USP37: variants seen among roughly 807,000 people sequenced by gnomAD.
USP37 encodes the protein ubiquitin specific peptidase 37.
In USP37, 27 loss-of-function variants were observed where a neutral mutation model predicts 124.0. That is an observed-to-expected ratio of 0.22 (90% CI 0.16 to 0.30). The LOEUF is 0.30. Among genes scored for constraint, USP37 ranks in the 10% least tolerant of loss-of-function variants. The pLI is 1.00. For missense variants in USP37, 889 were observed against 1,140.4 expected (o/e 0.78, Z 3.17); for synonymous variants, 365 against 388.0 (o/e 0.94, Z 0.70).
chr2:218,480,967 C>T (rs1691244292), intron 17 of USP37, among the ~76,000 whole-genome samples: 9 of 152,222 alleles, frequency 5.9e-5, no homozygotes, highest in Admixed American at 5.9e-4. Flanking sequence ...CTTTCAGACA[C>T]TAACTGTATG....
intron 1 of USP37, among the ~76,000 whole-genome samples, chr2:218,565,694 G>A (rs2106067765): frequency 6.6e-6 from 1 of 152,298 alleles, no homozygotes; most frequent in East Asian, 1.9e-4. Flanking sequence ...AAAAGAAGTG[G>A]TCACTAGCCT....
chr2:218,528,803 G>GAAAAA lies in USP37; in HGVS notation c.863+1148_863+1152dup, dbSNP rs58650311. ...TTATGTATTTATACCCAATAAATCT[G>GAAAAA]AAAAAAAAAAAAAAAAAAAAAAAAA... On this transcript the variant is annotated intron_variant, in intron 10 of 25. Coordinates refer to ENST00000258399, the MANE Select transcript of USP37 (RefSeq NM_020935.3). 8.7e-4 allele frequency: 26 copies of GAAAAA among 29,724 alleles called. 8 individuals are homozygous for GAAAAA. Among genetic ancestry groups the GAAAAA allele is most frequent in the Admixed American group, 4.6e-3 (5 of 1,094 alleles). 1.8% of individuals were successfully genotyped at this position (29,724 alleles called of 1,614,324 possible).
At chr2:218,550,986 T>C (rs978937715) in intron 5 of USP37, among the ~76,000 whole-genome samples, 1 of 152,148 alleles carries the variant, frequency 6.6e-6, no homozygotes. Context: ...CTAGTTTTTA[T>C]GTAACACCCA....
chr2:218,476,961 T>C lies in USP37; in HGVS notation c.1922A>G (p.Lys641Arg). 1.3e-6 allele frequency: 2 copies of C among 1,518,246 alleles called. No homozygotes were observed. The highest frequency in any genetic ancestry group is 2.5e-5 in the East Asian group (1 of 40,730). 94.0% of individuals were successfully genotyped at this position (1,518,246 alleles called of 1,614,324 possible). A position where few individuals can be genotyped will look rare whatever the true frequency, so the allele number is the denominator to read the frequency against. Residue 641 changes from lysine to arginine, a missense_variant, in exon 19 of 26, where the codon AAG (lysine) becomes AGG (arginine). By Grantham distance (26) the Lys-to-Arg change is conservative (BLOSUM62 2). This residue lies in a region of USP37 where 504 missense variants were observed against 714.3 expected (regional missense o/e 0.71). Transcript: ENST00000258399. ...TPSKKFTFKS[K>R]SSLALCLDSD... ...ATCAAGGCATAAAGCCAAGGAGCTC[T>C]TGGATTTGAAGGTGAATTTCCTGTA...
At chr2:218,535,388 T>C (rs966494327) in intron 8 of USP37, among the ~76,000 whole-genome samples, 1 of 149,696 alleles carries the variant, frequency 6.7e-6, no homozygotes, top group Non-Finnish European at 1.5e-5. Flanking sequence ...AAGTACAATG[T>C]TCAAGCTTGG....
intron 14 of USP37, among the ~76,000 whole-genome samples, chr2:218,492,084 C>T (rs1285031739): frequency 6.6e-6 from 1 of 151,964 alleles, no homozygotes; most frequent in Non-Finnish European, 1.5e-5. Flanking sequence ...ACCTGTAGTC[C>T]CAGCTATTCG....
intron 16 of USP37, 107 bp from the exon 17 acceptor site, chr2:218,482,341 C>T: frequency 7.9e-7 from 1 of 1,261,966 alleles, no homozygotes; most frequent in African/African-American, 1.5e-5. Flanking sequence ...TTAAAAAATC[C>T]ATTTGGCCAA....
chr2:218,510,813 C>T (rs958138293), intron 10 of USP37, among the ~76,000 whole-genome samples: 1 of 151,906 alleles, frequency 6.6e-6, no homozygotes, highest in Non-Finnish European at 1.5e-5. Context: ...GGCAACCTGG[C>T]GAAACTCCAT....
chr2:218,534,801 T>G, intron 8 of USP37, 95 bp from the exon 9 acceptor site: 2 of 743,172 alleles, frequency 2.7e-6, no homozygotes, highest in Non-Finnish European at 3.9e-6. Context: ...ACATTTAAAG[T>G]GCCAAATTCA....
rs371288131 is a variant in USP37, at chr2:218,495,966, T to C, written c.1282-16A>G. 6.2e-7 allele frequency: 1 copy of C among 1,601,012 alleles called. No individual in the cohort carries two copies. The highest frequency in any genetic ancestry group is 1.3e-5 in the African/African-American group (1 of 74,250). On this transcript the variant is annotated splice_polypyrimidine_tract_variant and intron_variant, in intron 13 of 25. Transcript: ENST00000258399. ...CATGAGCATCCTAATAAGACAACAA[T>C]ATCCTTAATCAGATAAAAACATTTC...
intron 4 of USP37, among the ~76,000 whole-genome samples, chr2:218,555,771 C>A (rs982814367): frequency 1.3e-5 from 2 of 152,080 alleles, no homozygotes; most frequent in African/African-American, 4.8e-5. Flanking sequence ...ATGCTTGACA[C>A]CTCAGATAAC....
At chr2:218,514,262 A>C (rs1184185459) in intron 10 of USP37, 1 of 152,168 alleles carries the variant, frequency 6.6e-6, no homozygotes, top group Admixed American at 6.5e-5. Context: ...TAACCTACAC[A>C]TATTATTCAA....
chr2:218,541,775 G>A (rs958927396), intron 8 of USP37, among the ~76,000 whole-genome samples: 2 of 152,058 alleles, frequency 1.3e-5, no homozygotes, highest in East Asian at 3.9e-4. Context: ...CAAGACAGGA[G>A]TCAATATAAA....
chr2:218,531,789 G>A (rs1323842545), intron 9 of USP37, among the ~76,000 whole-genome samples: 1 of 152,224 alleles, frequency 6.6e-6, no homozygotes, highest in Non-Finnish European at 1.5e-5. Flanking sequence ...GAGGGTTCAA[G>A]ACATCAGTGG....
At chr2:218,522,059 A>G (rs937166590) in intron 10 of USP37, among the ~76,000 whole-genome samples, 1 of 88,726 alleles carries the variant, frequency 1.1e-5, no homozygotes, top group African/African-American at 4.7e-5. Flanking sequence ...TTTTTTTTGT[A>G]GAGACAGGGT....
intron 6 of USP37, among the ~76,000 whole-genome samples, chr2:218,548,843 A>G (rs1003963068): frequency 6.6e-6 from 1 of 152,218 alleles, no homozygotes; most frequent in Non-Finnish European, 1.5e-5. Flanking sequence ...TACTTGTGAA[A>G]GCATAAATAC....
chr2:218,514,686 CTGTT>C (rs1478724598), intron 10 of USP37, among the ~76,000 whole-genome samples: 2 of 152,158 alleles, frequency 1.3e-5, no homozygotes, highest in Non-Finnish European at 2.9e-5. Flanking sequence ...TGCAAATACC[CTGTT>C]TCTCATCAAA....
chr2:218,536,570 T>G (rs1372918048), intron 8 of USP37, among the ~76,000 whole-genome samples: 1 of 152,240 alleles, frequency 6.6e-6, no homozygotes, highest in East Asian at 1.9e-4. Flanking sequence ...TTCTGTAATA[T>G]CAGGATGAAG....
chr2:218,504,321 A>T (rs1193676590), intron 11 of USP37, among the ~76,000 whole-genome samples: 2 of 152,172 alleles, frequency 1.3e-5, no homozygotes, highest in Non-Finnish European at 2.9e-5. Flanking sequence ...GTATATTTCT[A>T]GTATGCAGCA....
Sources: allele counts gnomAD v4.1 joint callset (sites outside exome capture counted in the v4.1 genomes callset), GRCh38; gene constraint gnomAD v4.1.1; regional missense constraint gnomAD v4.1.1; transcripts MANE v1.5; gene names NCBI Gene and HGNC (gene_info 2026-07-23, HGNC 2026-07-21).